STK31: variants seen among roughly 807,000 people sequenced by gnomAD.
STK31 encodes serine/threonine-protein kinase 31.
STK31 carries 89 observed loss-of-function variants against 129.7 expected under a neutral mutation model. The observed-to-expected ratio is 0.69, with a 90% CI of 0.58 to 0.82. STK31 has a LOEUF of 0.82. Among genes scored for constraint, STK31 ranks in the 40% least tolerant of loss-of-function variants. STK31 has a pLI of 0.00. For synonymous variants in STK31, 448 were observed against 395.3 expected (o/e 1.13, Z -1.58); for missense variants, 1,187 against 1,176.4 (o/e 1.01, Z -0.13).
In STK31 at chr7:23,737,054, A is replaced by G. The variant is rs1236676703; in HGVS notation, c.993A>G (p.Val331=). 4.4e-6 allele frequency: 7 copies of G among 1,609,136 alleles called. No homozygotes were observed. Among genetic ancestry groups the G allele is most frequent in the East Asian group, 2.2e-5 (1 of 44,834 alleles). The part of the protein sequence containing the change: ...LESYKALELK[V]EQIAQELQQE... ...GTTATAAGGCGTTAGAATTGAAAGT[A>G]GAGCAGATTGCCCAGGAGCTGCAGG... Residue 331 remains valine (V), a synonymous_variant, in exon 8 of 24, where the codon GTA becomes GTG. Coordinates refer to ENST00000355870, the MANE Select transcript of STK31 (RefSeq NM_031414.5).
intron 10 of STK31, among the ~76,000 whole-genome samples, chr7:23,756,951 C>A (rs1789124558): frequency 6.6e-6 from 1 of 152,036 alleles, no homozygotes; most frequent in African/African-American, 2.4e-5. Flanking sequence ...CTGAAGTTTT[C>A]TTTTTTTGTT....
At chr7:23,792,849 C>T (rs1385863461) in intron 22 of STK31, among the ~76,000 whole-genome samples, 1 of 152,104 alleles carries the variant, frequency 6.6e-6, no homozygotes, top group Non-Finnish European at 1.5e-5. Context: ...CAAGTGAGCA[C>T]CCCCTGTCTC....
rs150933225 is a variant in STK31, at chr7:23,757,602, A to C, written c.1293+3128A>C. Among the ~76,000 whole-genome samples, 538 of 152,188 alleles carry C rather than the reference A, an allele frequency of 3.5e-3. 8 individuals carry two copies. Among genetic ancestry groups the C allele is most frequent in the African/African-American group, 0.012 (491 of 41,528 alleles). On this transcript the variant is annotated intron_variant, in intron 10 of 23. Coordinates refer to ENST00000355870, the MANE Select transcript of STK31 (RefSeq NM_031414.5). ...TCAGCATGTCTCACCTCCAGCCTTA[A>C]GGTGGTTTTCTCCTGTCTCAGTAGA...
intron 23 of STK31, among the ~76,000 whole-genome samples, chr7:23,824,828 A>C: frequency 6.6e-6 from 1 of 151,554 alleles, no homozygotes; most frequent in Non-Finnish European, 1.5e-5. Flanking sequence ...ATTTTGTCAA[A>C]GGCCTTTTCT....
In STK31 at chr7:23,786,918, T is replaced by G. The variant is rs1287811006; in HGVS notation, c.2481T>G (p.Asn827Lys). 6.2e-7 allele frequency: 1 copy of G among 1,613,534 alleles called. No individual in the cohort carries two copies. Among genetic ancestry groups the G allele is most frequent in the African/African-American group, 1.3e-5 (1 of 75,010 alleles). ...CTGTTCAAGCCAACATGCCTTTAAA[T>G]TCAGAAGTAAGTAAAAAGCACTATT... Reference protein sequence around the residue: ...LNAVQANMPLNSEETLKVMKG... With the variant: ...LNAVQANMPLKSEETLKVMKG... Residue 827 changes from asparagine to lysine, a missense_variant, in exon 20 of 24, where the codon AAT becomes AAG. By Grantham distance (94) the Asn-to-Lys change is moderately conservative (BLOSUM62 0). Coordinates refer to ENST00000355870, the MANE Select transcript of STK31 (RefSeq NM_031414.5).
chr7:23,831,428 C>T (rs915406159), intron 23 of STK31, among the ~76,000 whole-genome samples: 2 of 151,970 alleles, frequency 1.3e-5, no homozygotes, highest in Non-Finnish European at 2.9e-5. Flanking sequence ...ATAGTTACAC[C>T]TGCTTGCTTT....
chr7:23,743,940 G>C (rs1412812925), intron 8 of STK31, among the ~76,000 whole-genome samples: 4 of 151,304 alleles, frequency 2.6e-5, no homozygotes, highest in African/African-American at 4.9e-5. Flanking sequence ...TTTGTTTTGA[G>C]GCAGGGTTTT....
At chr7:23,733,604 C>G (rs1053909696) in intron 6 of STK31, among the ~76,000 whole-genome samples, 1 of 151,752 alleles carries the variant, frequency 6.6e-6, no homozygotes, top group South Asian at 2.1e-4. Context: ...GTCAGGAGAT[C>G]GAGACCATCC....
chr7:23,757,359 C>T (rs572025391), intron 10 of STK31, among the ~76,000 whole-genome samples: 27 of 152,118 alleles, frequency 1.8e-4, no homozygotes, highest in Non-Finnish European at 2.2e-4. Context: ...CCGCGCCCGC[C>T]GGCAAAGGTC....
In STK31 at chr7:23,711,026, A is replaced by G. The variant is rs1584305631; in HGVS notation, c.50+691A>G. 5.9e-5 allele frequency among the ~76,000 whole-genome samples: 9 copies of G among 152,348 alleles called. No homozygotes were observed. The South Asian group carries it at 1.9e-3, about 32-fold the overall frequency. ...TACGAAAAATTTTTTTAAAAAATTAAGTTGTGACAAAGTAATCCATTTTTA... is the reference window on the plus strand; with the variant it reads ...TACGAAAAATTTTTTTAAAAAATTAGGTTGTGACAAAGTAATCCATTTTTA... On this transcript the variant is annotated intron_variant, in intron 1 of 23. Transcript: ENST00000355870.
intron 8 of STK31, among the ~76,000 whole-genome samples, chr7:23,741,402 G>A: frequency 1.3e-5 from 2 of 152,236 alleles, no homozygotes; most frequent in Middle Eastern, 6.8e-3. Context: ...GCTATATTGA[G>A]ATATCATTTA....
chr7:23,759,151 A>G lies in STK31; in HGVS notation c.1294-3650A>G, dbSNP rs149643077. Among the ~76,000 whole-genome samples, 36 of 152,374 alleles carry G rather than the reference A, an allele frequency of 2.4e-4. No homozygotes were observed. In the East Asian group the frequency reaches 6.2e-3, roughly 26 times the overall value. On this transcript the variant is annotated intron_variant, in intron 10 of 23. Coordinates refer to ENST00000355870, the MANE Select transcript of STK31 (RefSeq NM_031414.5). ...TCATAAAACAAGTTCTTAGAGACCT[A>G]CAAAGAGACTTAGATTCCCACACAA...
At chr7:23,827,676 T>A (rs1794258163) in intron 23 of STK31, among the ~76,000 whole-genome samples, 1 of 152,214 alleles carries the variant, frequency 6.6e-6, no homozygotes, top group Non-Finnish European at 1.5e-5. Flanking sequence ...GGCTCTGATT[T>A]TTAGAGTTTC....
intron 9 of STK31, among the ~76,000 whole-genome samples, 157 bp from the exon 10 acceptor site, chr7:23,754,158 A>G (rs2128093835): frequency 6.6e-6 from 1 of 152,350 alleles, no homozygotes; most frequent in Non-Finnish European, 1.5e-5. Flanking sequence ...TGAAAAAAAT[A>G]AGTTATACAT....
rs1176243138 is a variant in STK31 at position 23,771,018 on chromosome 7, C to T, written c.1727C>T (p.Ala576Val). The T allele has an allele frequency of 6.2e-7, 1 of 1,609,892 alleles. No homozygotes were observed. The highest frequency in any genetic ancestry group is 1.1e-5 in the South Asian group (1 of 90,308). ...LEIALVDQGD[A>V]DKEIISNTYS... The stretch of plus-strand genomic sequence containing the variant: ...GATTTCATTTAGGATCAAGGTGATG[C>T]AGACAAGGAGATAATTTCAAATACA... Residue 576 changes from alanine (A) to valine (V), a missense_variant, in exon 14 of 24, where the codon GCA becomes GTA. Around this residue, in one of 5 missense-constraint regions of STK31, gnomAD observed 975 missense variants for 934.9 expected, o/e 1.04. Transcript: ENST00000355870.
At chr7:23,771,252 G>T (rs1394776797) in intron 14 of STK31, 128 bp downstream of exon 14, 1 of 849,576 alleles carries the variant, frequency 1.2e-6, no homozygotes, top group Non-Finnish European at 1.7e-6. Context: ...ACTGTCAACT[G>T]GAAATGGTGA....
chr7:23,790,954 A>T lies in STK31; in HGVS notation c.2760+8A>T, dbSNP rs762459394. On this transcript the variant is annotated splice_region_variant and intron_variant, in intron 22 of 23. Transcript: ENST00000355870. ...GGCTGCCTCTTATTATGGGTATGTTATTTTTTTGTTGAAATAGATCATATA... is the reference window on the plus strand; with the variant it reads ...GGCTGCCTCTTATTATGGGTATGTTTTTTTTTTGTTGAAATAGATCATATA... 3 of 1,540,690 alleles carry T rather than the reference A, an allele frequency of 1.9e-6. No homozygotes were observed. Among genetic ancestry groups the T allele is most frequent in the South Asian group, 1.3e-5 (1 of 76,498 alleles).
chr7:23,757,348 C>T (rs1467788933), intron 10 of STK31, among the ~76,000 whole-genome samples: 1 of 152,018 alleles, frequency 6.6e-6, no homozygotes, highest in African/African-American at 2.4e-5. Context: ...ATGTGGAGGA[C>T]CCGCGCCCGC....
At chr7:23,742,230 G>A (rs1419927922) in intron 8 of STK31, among the ~76,000 whole-genome samples, 1 of 152,200 alleles carries the variant, frequency 6.6e-6, no homozygotes, top group African/African-American at 2.4e-5. Context: ...GAGAGAATGA[G>A]TCACCACCCA....
Sources: allele counts gnomAD v4.1 joint callset (sites outside exome capture counted in the v4.1 genomes callset), GRCh38; gene constraint gnomAD v4.1.1; regional missense constraint gnomAD v4.1.1; transcripts MANE v1.5; gene names NCBI Gene and HGNC (gene_info 2026-07-23, HGNC 2026-07-21).